RGS7: variants seen among roughly 807,000 people sequenced by gnomAD.
The protein encoded by RGS7 is regulator of G-protein signaling 7.
RGS7 carries 27 observed loss-of-function variants against 81.1 expected under a neutral mutation model. The observed-to-expected ratio is 0.33, with a 90% CI of 0.25 to 0.46. The LOEUF is 0.46. RGS7 is among the 20% of genes least tolerant of loss of function. The pLI is 1.00. For synonymous variants in RGS7, 208 were observed against 207.7 expected (o/e 1.00, Z -0.01); for missense variants, 396 against 607.4 (o/e 0.65, Z 3.66).
intron 2 of RGS7, among the ~76,000 whole-genome samples, chr1:241,134,443 G>A (rs79822665): frequency 0.049 from 7,462 of 152,222 alleles, 547 homozygotes; most frequent in African/African-American, 0.16. Flanking sequence ...ACCTACATAT[G>A]TATATAAAAT....
intron 9 of RGS7, among the ~76,000 whole-genome samples, chr1:240,841,427 A>G (rs1573073): frequency 0.67 from 101,804 of 152,038 alleles, 34,477 homozygotes; most frequent in Middle Eastern, 0.76. Flanking sequence ...CAACTGAGCC[A>G]TATTATACAA....
chr1:241,223,278 A>T (rs1490122128), intron 2 of RGS7, among the ~76,000 whole-genome samples: 1 of 152,172 alleles, frequency 6.6e-6, no homozygotes, highest in Non-Finnish European at 1.5e-5. Flanking sequence ...AGCTTAACAC[A>T]ATGGAAGTTT....
chr1:240,841,639 A>G (rs1212805625), intron 9 of RGS7, among the ~76,000 whole-genome samples: 4 of 152,204 alleles, frequency 2.6e-5, no homozygotes, highest in Non-Finnish European at 5.9e-5. Flanking sequence ...ATTAGTCACT[A>G]TGAACCTAAT....
intron 2 of RGS7, among the ~76,000 whole-genome samples, chr1:241,231,027 G>C (rs116262181): frequency 0.019 from 2,818 of 152,188 alleles, 76 homozygotes; most frequent in African/African-American, 0.063. Flanking sequence ...TGTTTCCCTT[G>C]ACTAGTCTAG....
intron 1 of RGS7, 124 bp downstream of exon 1, chr1:241,356,775 C>A (rs1243407799): frequency 2.7e-5 from 4 of 149,296 alleles, no homozygotes; most frequent in Non-Finnish European, 6.0e-5. Flanking sequence ...GCGCGGGGCT[C>A]CCGGGGGCGG....
intron 14 of RGS7, 76 bp downstream of exon 14, chr1:240,811,842 C>T (rs1018536402): frequency 4.9e-5 from 62 of 1,261,038 alleles, no homozygotes; most frequent in Middle Eastern, 1.8e-4. Context: ...AATAATTGAT[C>T]TATTACCTCC....
At position 240,865,543 on chromosome 1, in the gene RGS7, C is replaced by T. The variant is rs185281900; in HGVS notation, c.609+3044G>A. ...CTGTCTAGAAGACACTTAAATTTTACAGTGAATACTACAAGGTACAAAGAG... is the reference window on the plus strand; with the variant it reads ...CTGTCTAGAAGACACTTAAATTTTATAGTGAATACTACAAGGTACAAAGAG... On this transcript the variant is annotated intron_variant, in intron 9 of 18. Coordinates refer to ENST00000440928, the MANE Select transcript of RGS7 (RefSeq NM_001364886.1). Among the ~76,000 whole-genome samples the T allele has an allele frequency of 2.7e-3, 404 of 152,298 alleles. 2 individuals are homozygous for T. The highest frequency in any genetic ancestry group is 3.7e-3 in the Non-Finnish European group (250 of 68,020).
chr1:240,810,148 TCTCTAA>T (rs906610053), intron 14 of RGS7, among the ~76,000 whole-genome samples: 5 of 152,134 alleles, frequency 3.3e-5, no homozygotes, highest in African/African-American at 2.4e-5. Context: ...CCTTCGCTGA[TCTCTAA>T]CTCTGGGCTA....
At chr1:241,005,248 C>A (rs1476612020) in intron 3 of RGS7, among the ~76,000 whole-genome samples, 6 of 152,130 alleles carry the variant, frequency 3.9e-5, no homozygotes, top group African/African-American at 1.4e-4. Context: ...AGGTATAGCC[C>A]TATTTGACAG....
chr1:241,068,631 G>A (rs2062237574), intron 3 of RGS7, among the ~76,000 whole-genome samples: 2 of 152,084 alleles, frequency 1.3e-5, no homozygotes, highest in South Asian at 4.1e-4. Context: ...TCTGAATCCT[G>A]ATCCCTGTCT....
At chr1:241,147,780 TTATATATATATATATATATATATA>T (rs200770896) in intron 2 of RGS7, among the ~76,000 whole-genome samples, 5 of 44,604 alleles carry the variant, frequency 1.1e-4, no homozygotes, top group African/African-American at 2.0e-4. Flanking sequence ...AGATTAAGTT[TTATATATATATATATATATATATA>T]TATATATATA....
intron 3 of RGS7, among the ~76,000 whole-genome samples, chr1:241,015,915 C>T (rs2148674661): frequency 6.6e-6 from 1 of 152,316 alleles, no homozygotes; most frequent in Non-Finnish European, 1.5e-5. Context: ...AGTTCTGTGG[C>T]TTGCACTGCA....
At chr1:241,113,544 T>C (rs1262158301) in intron 2 of RGS7, among the ~76,000 whole-genome samples, 1 of 152,196 alleles carries the variant, frequency 6.6e-6, no homozygotes, top group Non-Finnish European at 1.5e-5. Context: ...AAATACTGAC[T>C]ATATTTTTAA....
chr1:241,022,515 G>C (rs1371482614), intron 3 of RGS7, among the ~76,000 whole-genome samples: 1 of 152,104 alleles, frequency 6.6e-6, no homozygotes, highest in Non-Finnish European at 1.5e-5. Context: ...TAATGCACCA[G>C]CTGATGCCAC....
intron 2 of RGS7, among the ~76,000 whole-genome samples, chr1:241,207,141 G>A (rs1391161189): frequency 6.6e-6 from 1 of 151,036 alleles, no homozygotes. Context: ...GCTAATTTTT[G>A]TATTTTTAGT....
At chr1:241,319,517 T>C (rs1341013323) in intron 2 of RGS7, among the ~76,000 whole-genome samples, 1 of 152,000 alleles carries the variant, frequency 6.6e-6, no homozygotes, top group Non-Finnish European at 1.5e-5. Context: ...AGAAATAAAA[T>C]TTTATTAAAA....
At chr1:240,983,557 G>T (rs897308351) in intron 3 of RGS7, among the ~76,000 whole-genome samples, 22 of 152,026 alleles carry the variant, frequency 1.4e-4, no homozygotes, top group Non-Finnish European at 2.8e-4. Context: ...ATTTGTTTTT[G>T]GTTTTCGAAC....
intron 3 of RGS7, among the ~76,000 whole-genome samples, chr1:240,991,805 C>T (rs374727607): frequency 2.4e-4 from 37 of 152,044 alleles, no homozygotes; most frequent in Admixed American, 1.9e-3. Context: ...ATTTATTAAT[C>T]GATTAATCAA....
chr1:241,294,384 C>G (rs1049326984), intron 2 of RGS7, among the ~76,000 whole-genome samples: 1 of 152,100 alleles, frequency 6.6e-6, no homozygotes, highest in Non-Finnish European at 1.5e-5. Flanking sequence ...CACATGTATA[C>G]TTATGTAACA....
Sources: allele counts gnomAD v4.1 joint callset (sites outside exome capture counted in the v4.1 genomes callset), GRCh38; gene constraint gnomAD v4.1.1; transcripts MANE v1.5; gene names NCBI Gene and HGNC (gene_info 2026-07-23, HGNC 2026-07-21).